The following STRN variants were observed in gnomAD, a reference collection of about 807,000 sequenced individuals.
STRN encodes the protein protein phosphatase 2 regulatory subunit B'''alpha.
A neutral mutation model predicts 96.3 loss-of-function variants in STRN; 53 were observed. The ratio of observed to expected loss-of-function variants is 0.55; its 90% CI spans 0.44 to 0.69. STRN has a LOEUF of 0.69. Among genes scored for constraint, STRN ranks in the 30% least tolerant of loss-of-function variants. The pLI is 0.00. For synonymous variants in STRN, 428 were observed against 355.9 expected, an observed-to-expected ratio of 1.20 and a Z score of -2.28; for missense variants, 987 against 963.9, an observed-to-expected ratio of 1.02 and a Z score of -0.32.
At chr2:36,851,188 G>T in intron 15 of STRN, 81 bp from the exon 16 acceptor site, 1 of 1,310,466 alleles carries the variant, frequency 7.6e-7, no homozygotes. Context: ...ATCTATCTAA[G>T]AGACTGAAAA....
chr2:36,922,020 A>C (rs1670272873), intron 2 of STRN, among the ~76,000 whole-genome samples: 1 of 152,224 alleles, frequency 6.6e-6, no homozygotes, highest in South Asian at 2.1e-4. Flanking sequence ...AATATACTAT[A>C]ATCATATAAG....
intron 3 of STRN, among the ~76,000 whole-genome samples, chr2:36,908,291 T>C (rs532907464): frequency 1.6e-4 from 24 of 152,300 alleles, no homozygotes; most frequent in African/African-American, 5.8e-4. Flanking sequence ...TCTGCCTATT[T>C]TGGCAGCCAG....
chr2:36,883,896 G>A (rs1302593930), intron 9 of STRN, 36 bp downstream of exon 9: 2 of 1,315,340 alleles, frequency 1.5e-6, no homozygotes, highest in African/African-American at 3.0e-5. Flanking sequence ...ATACATCCAA[G>A]TGCATTTTGT....
In STRN at chr2:36,899,881, C is replaced by T. The variant is rs59564624; in HGVS notation, c.660-223G>A. Reference sequence around the variant, plus strand: ...GTAATCCTATCTATCTACTTGCCTGCCTACCTACCTACCTATCTACCTGGA... The same window carrying T: ...GTAATCCTATCTATCTACTTGCCTGTCTACCTACCTACCTATCTACCTGGA... On this transcript the variant is annotated intron_variant, in intron 5 of 17. Coordinates refer to ENST00000263918, the MANE Select transcript of STRN (RefSeq NM_003162.4). Among the ~76,000 whole-genome samples the T allele has an allele frequency of 7.4e-3, 1,113 of 150,254 alleles. 16 individuals are homozygous for T. The highest frequency in any genetic ancestry group is 0.027 in the African/African-American group (1,080 of 39,812).
At chr2:36,859,599 A>G (rs1668427719) in intron 13 of STRN, among the ~76,000 whole-genome samples, 1 of 152,218 alleles carries the variant, frequency 6.6e-6, no homozygotes, top group Admixed American at 6.5e-5. Context: ...GTATGAGTCA[A>G]CTATATGTAA....
chr2:36,901,060 T>C (rs902313611), intron 5 of STRN, among the ~76,000 whole-genome samples: 1 of 152,054 alleles, frequency 6.6e-6, no homozygotes, highest in African/African-American at 2.4e-5. Context: ...AGAGATCTAT[T>C]TTAAATTTCA....
Position 36,966,531 on chromosome 2 carries a change from C to A in STRN, c.-68G>T, listed in dbSNP as rs1016249631. On this transcript the variant is annotated 5_prime_UTR_variant, in exon 1 of 18. Coordinates refer to ENST00000263918, the MANE Select transcript of STRN (RefSeq NM_003162.4). Reference sequence around the variant, plus strand: ...CGGAGGCAACAGCGGCGGCAAGCAGCGCCTCCTCCTCCCTCCGCCGCTCCC... The same window carrying A: ...CGGAGGCAACAGCGGCGGCAAGCAGAGCCTCCTCCTCCCTCCGCCGCTCCC... 1.4e-5 allele frequency: 19 copies of A among 1,353,314 alleles called. 1 individual carries two copies. The highest frequency in any genetic ancestry group is 7.0e-5 in the South Asian group (4 of 57,180). 83.8% of individuals were successfully genotyped at this position (1,353,314 alleles called of 1,614,324 possible). A position where few individuals can be genotyped will look rare whatever the true frequency, so the allele number is the denominator to read the frequency against.
intron 12 of STRN, among the ~76,000 whole-genome samples, chr2:36,866,105 C>T (rs1051041790): frequency 1.3e-5 from 2 of 152,156 alleles, no homozygotes; most frequent in African/African-American, 4.8e-5. Context: ...GGGTATCGCT[C>T]GCTCTGTTTC....
In STRN at chr2:36,855,306, G is replaced by A; in HGVS notation, c.1884C>T (p.Ser628=). ...CCTTGCTGAATGATGCTACCATATGGCTCGGGTCACTGCTCACTAGATCCA... is the reference window on the plus strand; with the variant it reads ...CCTTGCTGAATGATGCTACCATATGACTCGGGTCACTGCTCACTAGATCCA... ...ASVDLVSSDP[S]HMVASFSKGY... is the part of the protein sequence containing the mutation. Residue 628 remains serine (S), a synonymous_variant, in exon 15 of 18, where the codon AGC becomes AGT. Transcript: ENST00000263918. 3.7e-6 allele frequency: 6 copies of A among 1,613,688 alleles called. No individual in the cohort carries two copies. Among genetic ancestry groups the A allele is most frequent in the Non-Finnish European group, 5.1e-6 (6 of 1,179,782 alleles).
intron 6 of STRN, among the ~76,000 whole-genome samples, chr2:36,894,670 C>A (rs974746203): frequency 1.3e-5 from 2 of 152,192 alleles, no homozygotes; most frequent in Non-Finnish European, 2.9e-5. Context: ...ATTTCAATAT[C>A]TCAGTTTCTC....
intron 7 of STRN, among the ~76,000 whole-genome samples, chr2:36,893,641 CAG>C (rs1285350114): frequency 2.0e-5 from 3 of 152,132 alleles, no homozygotes; most frequent in South Asian, 2.1e-4. Flanking sequence ...AAACAGAAAA[CAG>C]AGAATATTCT....
rs1667975649 is a variant in STRN, at chr2:36,842,502, C to T, written c.*6954G>A. 6.6e-6 allele frequency: 1 copy of T among 152,174 alleles called. No homozygotes were observed. Among genetic ancestry groups the T allele is most frequent in the Admixed American group, 6.6e-5 (1 of 15,266 alleles). 9.4% of individuals were successfully genotyped at this position (152,174 alleles called of 1,614,324 possible). ...ATGTGGAGCTGGCATCTGGACCACTCTTCACGTAAGGTGAATGGCTAAATC... is the reference window on the plus strand; with the variant it reads ...ATGTGGAGCTGGCATCTGGACCACTTTTCACGTAAGGTGAATGGCTAAATC... On this transcript the variant is annotated 3_prime_UTR_variant, in exon 18 of 18. Coordinates refer to ENST00000263918, the MANE Select transcript of STRN (RefSeq NM_003162.4).
chr2:36,915,933 C>G (rs148051407), intron 3 of STRN, 145 bp downstream of exon 3: 14 of 682,806 alleles, frequency 2.1e-5, no homozygotes, highest in South Asian at 1.3e-4. Flanking sequence ...CTAAATGACA[C>G]TAAATGGTGC....
intron 1 of STRN, among the ~76,000 whole-genome samples, chr2:36,963,892 G>A (rs1008906010): frequency 6.6e-6 from 1 of 152,050 alleles, no homozygotes; most frequent in Non-Finnish European, 1.5e-5. Flanking sequence ...GGGAGGCTGA[G>A]GCAGAAGGAT....
rs1668056982 is a variant in STRN at position 36,845,898 on chromosome 2, CA to C, written c.*3557del. ...ACAGATTGGTAAACACACACACACA[CA>C]CACACACGCATGCATGCACACACAC... On this transcript the variant is annotated 3_prime_UTR_variant, in exon 18 of 18. Coordinates refer to ENST00000263918, the MANE Select transcript of STRN (RefSeq NM_003162.4). 1 of 48,474 alleles carries C rather than the reference CA, an allele frequency of 2.1e-5. No individual in the cohort carries two copies. Among genetic ancestry groups the C allele is most frequent in the Non-Finnish European group, 4.9e-5 (1 of 20,484 alleles). 3.0% of individuals were successfully genotyped at this position (48,474 alleles called of 1,614,324 possible).
Position 36,966,415 on chromosome 2 carries a change from C to G in STRN, c.49G>C (p.Gly17Arg). The change falls in exon 1 of 18, where the codon GGC becomes CGC. Residue 17 changes from glycine (G) to arginine (R), a missense_variant. Physicochemically the swap from Gly to Arg is moderately radical, Grantham distance 125 (BLOSUM62 -2). Coordinates refer to ENST00000263918, the MANE Select transcript of STRN (RefSeq NM_003162.4). The part of the protein sequence containing the change: ...PGVFFSNNHP[G>R]AGGAKGLGPL... ...CCGAGCCCCTTGGCACCGCCGGCGC[C>G]CGGGTGGTTGTTGCTGAAGAAGACG... The G allele has an allele frequency of 6.8e-7, 1 of 1,461,838 alleles. No homozygotes were observed. Among genetic ancestry groups the G allele is most frequent in the Non-Finnish European group, 9.0e-7 (1 of 1,107,862 alleles). 90.6% of individuals were successfully genotyped at this position (1,461,838 alleles called of 1,614,324 possible).
chr2:36,909,699 A>G (rs538261833), intron 3 of STRN, among the ~76,000 whole-genome samples: 2 of 152,316 alleles, frequency 1.3e-5, no homozygotes, highest in Admixed American at 6.5e-5. Context: ...AATCCCAAGC[A>G]TAAGAAATAT....
In STRN at chr2:36,842,074, C is replaced by T. The variant is rs746304700; in HGVS notation, c.*7382G>A. On this transcript the variant is annotated 3_prime_UTR_variant, in exon 18 of 18. Transcript: ENST00000263918. Reference sequence around the variant, plus strand: ...ATGCATGAAAAATTATTGTCTTGGTCCCATTTCCAAAGGGAAGTAGTTGGA... The same window carrying T: ...ATGCATGAAAAATTATTGTCTTGGTTCCATTTCCAAAGGGAAGTAGTTGGA... 6.6e-6 allele frequency: 1 copy of T among 152,174 alleles called. No individual in the cohort carries two copies. Among genetic ancestry groups the T allele is most frequent in the Non-Finnish European group, 1.5e-5 (1 of 68,036 alleles). 9.4% of individuals were successfully genotyped at this position (152,174 alleles called of 1,614,324 possible). A position where few individuals can be genotyped will look rare whatever the true frequency, so the allele number is the denominator to read the frequency against.
chr2:36,846,116 G>C lies in STRN; in HGVS notation c.*3340C>G, dbSNP rs963209692. On this transcript the variant is annotated 3_prime_UTR_variant, in exon 18 of 18. Coordinates refer to ENST00000263918, the MANE Select transcript of STRN (RefSeq NM_003162.4). Reference sequence around the variant, plus strand: ...TGTTAAAAAGTCTGAATGTTCAATGGAAATAGTTCAGTACTGAGAATAAAA... The same window carrying C: ...TGTTAAAAAGTCTGAATGTTCAATGCAAATAGTTCAGTACTGAGAATAAAA... The C allele has an allele frequency of 2.7e-5, 4 of 150,428 alleles. No individual in the cohort carries two copies. The highest frequency in any genetic ancestry group is 2.0e-4 in the East Asian group (1 of 5,122). The allele number at this position is 150,428 out of a possible 1,614,324, so 9.3% of individuals were successfully genotyped here. A position where few individuals can be genotyped will look rare whatever the true frequency, so the allele number is the denominator to read the frequency against.
Sources: gnomAD v4.1 joint callset for allele counts (sites outside exome capture counted in the v4.1 genomes callset) on GRCh38, gnomAD v4.1.1 for gene constraint, MANE v1.5 for transcripts, NCBI Gene and HGNC (gene_info 2026-07-23, HGNC 2026-07-21) for gene names.